Variants in METTL15 observed in about 807,000 individuals in gnomAD.
METTL15 encodes the protein methyltransferase 15, mitochondrial 12S rRNA N4-cytidine, also known as 12S rRNA N(4)-cytidine methyltransferase METTL15.
METTL15 carries 34 observed loss-of-function variants against 38.3 expected under a neutral mutation model. That is an observed-to-expected ratio of 0.89 (90% CI 0.68 to 1.18). METTL15 has a LOEUF of 1.18. Among genes scored for constraint, METTL15 ranks in the 50% most tolerant of loss-of-function variants. The pLI is 0.00. For synonymous variants in METTL15, 162 were observed against 170.9 expected (o/e 0.95, Z 0.41); for missense variants, 438 against 498.4 (o/e 0.88, Z 1.15).
At chr11:28,522,697 A>G (rs556619536) in intron 6 of METTL15, among the ~76,000 whole-genome samples, 1 of 152,262 alleles carries the variant, frequency 6.6e-6, no homozygotes, top group African/African-American at 2.4e-5. Flanking sequence ...CAATCAGGAA[A>G]AGTTGGGCTC....
At chr11:28,201,499 C>A (rs1285454638) in intron 3 of METTL15, among the ~76,000 whole-genome samples, 1 of 151,662 alleles carries the variant, frequency 6.6e-6, no homozygotes, top group Non-Finnish European at 1.5e-5. Flanking sequence ...TGACTGTGAA[C>A]CCATCTGGTC....
intron 4 of METTL15, among the ~76,000 whole-genome samples, chr11:28,218,044 CT>C (rs1345895900): frequency 6.6e-6 from 1 of 152,024 alleles, no homozygotes; most frequent in Non-Finnish European, 1.5e-5. Flanking sequence ...GATGTGGGCT[CT>C]TTTTTGGTTC....
At chr11:28,170,272 C>T (rs1054199852) in intron 3 of METTL15, among the ~76,000 whole-genome samples, 1 of 152,076 alleles carries the variant, frequency 6.6e-6, no homozygotes, top group Non-Finnish European at 1.5e-5. Context: ...GCCTGGTAAC[C>T]TAGCACCTAG....
chr11:28,517,024 C>T (rs1414156234), intron 6 of METTL15: 1 of 152,256 alleles, frequency 6.6e-6, no homozygotes, highest in Non-Finnish European at 1.5e-5. Flanking sequence ...AGATTGTATC[C>T]TTTCAGTGAT....
At chr11:28,517,757 G>A (rs17653348) in intron 6 of METTL15, among the ~76,000 whole-genome samples, 66,762 of 152,070 alleles carry the variant, frequency 0.44, 15,352 homozygotes, top group Admixed American at 0.54. Flanking sequence ...AGCCCGCCAC[G>A]GTTACTGACA....
chr11:28,199,662 G>A (rs901373659), intron 3 of METTL15, among the ~76,000 whole-genome samples: 3 of 151,838 alleles, frequency 2.0e-5, no homozygotes, highest in African/African-American at 7.3e-5. Context: ...GTTTTTTGAA[G>A]TAAATGGCTC....
intron 4 of METTL15, among the ~76,000 whole-genome samples, chr11:28,241,893 A>G (rs1402315880): frequency 1.3e-5 from 2 of 152,160 alleles, no homozygotes. Flanking sequence ...ATCATGCAAG[A>G]GCTTTTTAGA....
At chr11:28,170,600 A>G (rs1006132583) in intron 3 of METTL15, among the ~76,000 whole-genome samples, 3 of 152,186 alleles carry the variant, frequency 2.0e-5, no homozygotes, top group Non-Finnish European at 2.9e-5. Context: ...TTTCTGGGAA[A>G]GAGGTGGGCA....
chr11:28,200,335 T>C (rs1398805112), intron 3 of METTL15, among the ~76,000 whole-genome samples: 1 of 152,174 alleles, frequency 6.6e-6, no homozygotes, highest in Non-Finnish European at 1.5e-5. Flanking sequence ...GAGTACAGCT[T>C]TGAGAATTAC....
chr11:28,266,571 T>A (rs1855427427), intron 4 of METTL15, among the ~76,000 whole-genome samples: 1 of 152,198 alleles, frequency 6.6e-6, no homozygotes, highest in Non-Finnish European at 1.5e-5. Context: ...CCCAAAATCC[T>A]TATAGTCATC....
intron 6 of METTL15, among the ~76,000 whole-genome samples, chr11:28,446,430 T>A (rs1416940493): frequency 1.3e-5 from 2 of 152,298 alleles, no homozygotes; most frequent in East Asian, 3.9e-4. Flanking sequence ...CTTACAAGTT[T>A]TTCTCATCCT....
chr11:28,477,293 C>G (rs1004743161), intron 6 of METTL15, among the ~76,000 whole-genome samples: 2 of 152,152 alleles, frequency 1.3e-5, no homozygotes, highest in African/African-American at 2.4e-5. Context: ...TCTCCTGCCT[C>G]AGCCTCCCAA....
chr11:28,499,381 G>A (rs1297259747), intron 6 of METTL15, among the ~76,000 whole-genome samples: 1 of 152,122 alleles, frequency 6.6e-6, no homozygotes, highest in African/African-American at 2.4e-5. Context: ...AGAATAAGAA[G>A]TCCTTTGTAA....
chr11:28,524,355 A>G (rs1019418939), intron 6 of METTL15, among the ~76,000 whole-genome samples: 7 of 152,214 alleles, frequency 4.6e-5, no homozygotes, highest in African/African-American at 1.7e-4. Context: ...ACTGGTCTCA[A>G]GATATCATCT....
intron 6 of METTL15, among the ~76,000 whole-genome samples, chr11:28,504,275 A>C (rs900620339): frequency 4.6e-5 from 7 of 152,044 alleles, no homozygotes; most frequent in Non-Finnish European, 2.9e-5. Flanking sequence ...CCAGGCAGGT[A>C]ATATAAATGC....
chr11:28,450,414 T>C (rs1017176764), intron 6 of METTL15, among the ~76,000 whole-genome samples: 7 of 152,250 alleles, frequency 4.6e-5, no homozygotes, highest in African/African-American at 1.4e-4. Flanking sequence ...AATTTTCTTT[T>C]TCTAATCTGT....
chr11:28,313,823 A>G (rs1399040948), intron 6 of METTL15, among the ~76,000 whole-genome samples: 2 of 152,060 alleles, frequency 1.3e-5, no homozygotes, highest in Non-Finnish European at 2.9e-5. Flanking sequence ...TATAATAAAT[A>G]ATTTGGGCAT....
At chr11:28,511,737 A>T (rs1256347948) in intron 6 of METTL15, among the ~76,000 whole-genome samples, 3 of 152,198 alleles carry the variant, frequency 2.0e-5, no homozygotes, top group Non-Finnish European at 4.4e-5. Flanking sequence ...CAGCTCATAA[A>T]GGCAGTGTGG....
At chr11:28,381,901 A>G (rs376631517) in intron 5 of METTL15, among the ~76,000 whole-genome samples, 12 of 150,242 alleles carry the variant, frequency 8.0e-5, no homozygotes, top group Admixed American at 4.0e-4. Flanking sequence ...GTCAAATTTT[A>G]TGGTTTCCTG....
Sources: gnomAD v4.1 joint callset for allele counts (sites outside exome capture counted in the v4.1 genomes callset) on GRCh38, gnomAD v4.1.1 for gene constraint, MANE v1.5 for transcripts, NCBI Gene and HGNC (gene_info 2026-07-23, HGNC 2026-07-21) for gene names.